Variants in KDM4C observed in about 807,000 individuals in gnomAD.
KDM4C encodes the protein lysine-specific demethylase 4C.
In KDM4C, 81 loss-of-function variants were observed where a neutral mutation model predicts 129.3. That is an observed-to-expected ratio of 0.63 (90% CI 0.52 to 0.75). The LOEUF (loss-of-function observed/expected upper bound fraction) is 0.75, where lower values mean the gene tolerates loss of function less well. KDM4C is among the 30% of genes least tolerant of loss of function. The probability of loss-of-function intolerance (pLI) is 0.00; values close to 1 mark genes in which losing one functional copy is unlikely to be tolerated. For synonymous variants in KDM4C, 573 were observed against 456.1 expected (o/e 1.26, Z -3.26); for missense variants, 1,457 against 1,304.0 (o/e 1.12, Z -1.81).
intron 17 of KDM4C, among the ~76,000 whole-genome samples, chr9:7,073,179 C>A (rs143169674): frequency 6.6e-6 from 1 of 152,278 alleles, no homozygotes; most frequent in Admixed American, 6.5e-5. Context: ...TGGCATAGAT[C>A]TACCTCCATT....
chr9:7,020,341 C>G (rs1043671566), intron 15 of KDM4C, among the ~76,000 whole-genome samples: 1 of 152,176 alleles, frequency 6.6e-6, no homozygotes, highest in Non-Finnish European at 1.5e-5. Flanking sequence ...TAGATATCAT[C>G]GCTTTGAGTC....
chr9:6,770,744 ATATGGTTTT>A lies in KDM4C; in HGVS notation c.-18+12543_-18+12551del, dbSNP rs779491148. Among the ~76,000 whole-genome samples, 162 of 90,534 alleles carry A rather than the reference ATATGGTTTT, an allele frequency of 1.8e-3. 1 individual carries two copies. The East Asian group carries it at 0.044, about 24-fold the overall frequency. 59.4% of individuals were successfully genotyped at this position (90,534 alleles called of 152,430 possible). On this transcript the variant is annotated intron_variant, in intron 1 of 21. Transcript: ENST00000381309. ...TTTTTTTCAATATAGCCGGTATCGT[ATATGGTTTT>A]TGCGATTTTGATCCTTTTTTTTTTT...
rs950939462 is a variant in KDM4C at position 7,039,446 on chromosome 9, T to C, written c.2260-7416T>C. On this transcript the variant is annotated intron_variant, in intron 15 of 21. Transcript: ENST00000381309. ...AATTTGTCATTTAGAGTCTCTTTTT[T>C]ATATTTTTAATATACTTATTTTTAA... Among the ~76,000 whole-genome samples, 5 of 151,974 alleles carry C rather than the reference T, an allele frequency of 3.3e-5. No individual in the cohort carries two copies. In the East Asian group the frequency reaches 9.6e-4, roughly 29 times the overall value.
At chr9:6,810,900 G>T (rs1395899110) in intron 3 of KDM4C, among the ~76,000 whole-genome samples, 1 of 151,984 alleles carries the variant, frequency 6.6e-6, no homozygotes, top group African/African-American at 2.4e-5. Context: ...AATAAATAAA[G>T]TTAATTGGTC....
intron 17 of KDM4C, among the ~76,000 whole-genome samples, chr9:7,060,669 A>T (rs1324270355): frequency 6.6e-6 from 1 of 151,848 alleles, no homozygotes; most frequent in East Asian, 1.9e-4. Flanking sequence ...TTTAGTAGAG[A>T]CAGGGTTTCA....
intron 17 of KDM4C, among the ~76,000 whole-genome samples, chr9:7,058,523 TACAAGCTTGC>T (rs1831188040): frequency 6.6e-6 from 1 of 152,198 alleles, no homozygotes. Context: ...CAGGAGCTTG[TACAAGCTTGC>T]TGCAGCTCAC....
intron 1 of KDM4C, among the ~76,000 whole-genome samples, chr9:6,781,697 G>C (rs1055833248): frequency 1.3e-5 from 2 of 152,082 alleles, no homozygotes; most frequent in Admixed American, 1.3e-4. Context: ...AAACAAGAAA[G>C]CCTTTGTTTG....
intron 18 of KDM4C, among the ~76,000 whole-genome samples, chr9:7,107,567 C>T (rs1417485997): frequency 6.6e-6 from 1 of 152,190 alleles, no homozygotes; most frequent in East Asian, 1.9e-4. Flanking sequence ...GAATCACTTG[C>T]ACTTTGTTAA....
intron 17 of KDM4C, among the ~76,000 whole-genome samples, chr9:7,077,568 A>G (rs1310411752): frequency 6.6e-6 from 1 of 152,214 alleles, no homozygotes; most frequent in African/African-American, 2.4e-5. Flanking sequence ...CAATAATTTG[A>G]GCTCATACAG....
chr9:6,841,021 CA>C (rs1836822756), intron 4 of KDM4C, among the ~76,000 whole-genome samples: 1 of 152,146 alleles, frequency 6.6e-6, no homozygotes, highest in South Asian at 2.1e-4. Flanking sequence ...TAGTCCTGCC[CA>C]TCTGTATATT....
chr9:6,819,292 G>A (rs933908221), intron 4 of KDM4C, among the ~76,000 whole-genome samples: 3 of 152,198 alleles, frequency 2.0e-5, no homozygotes, highest in African/African-American at 7.2e-5. Flanking sequence ...TCAATTTACT[G>A]CTTGTGTTTG....
At chr9:6,771,519 C>G (rs1272667788) in intron 1 of KDM4C, among the ~76,000 whole-genome samples, 1 of 151,740 alleles carries the variant, frequency 6.6e-6, no homozygotes, top group Non-Finnish European at 1.5e-5. Flanking sequence ...CCATGTTGGT[C>G]AGGCCGGTCT....
At chr9:7,091,603 C>G (rs1587585840) in intron 17 of KDM4C, among the ~76,000 whole-genome samples, 1 of 143,978 alleles carries the variant, frequency 6.9e-6, no homozygotes, top group South Asian at 2.1e-4. Flanking sequence ...CTAAACATGG[C>G]TACAAGAACA....
chr9:6,858,142 G>C lies in KDM4C; in HGVS notation c.629+8442G>C, dbSNP rs76674205. Among the ~76,000 whole-genome samples the C allele has an allele frequency of 3.3e-5, 5 of 152,112 alleles. No homozygotes were observed. In the East Asian group the frequency reaches 9.7e-4, roughly 29 times the overall value. Reference sequence around the variant, plus strand: ...GCAGTAACCTGCTATATTGATGGTAGATTTAAAGGAATGAATTGAAGAAAC... The same window carrying C: ...GCAGTAACCTGCTATATTGATGGTACATTTAAAGGAATGAATTGAAGAAAC... On this transcript the variant is annotated intron_variant, in intron 5 of 21. Coordinates refer to ENST00000381309, the MANE Select transcript of KDM4C (RefSeq NM_015061.6).
intron 1 of KDM4C, among the ~76,000 whole-genome samples, chr9:6,790,871 T>C (rs543027167): frequency 6.6e-6 from 1 of 152,154 alleles, no homozygotes; most frequent in South Asian, 2.1e-4. Context: ...GGAATCATCC[T>C]GTTTATTGAC....
rs546872005 is a variant in KDM4C at position 7,013,637 on chromosome 9, T to A, written c.1969-151T>A. ...GGGAGTCTGAGGTGGAATATTGATT[T>A]AAAAAAAACTAGTAGTTTGGTCAAG... is the stretch of plus-strand genomic sequence containing the variant. On this transcript the variant is annotated intron_variant, in intron 13 of 21. Transcript: ENST00000381309. The A allele has an allele frequency of 5.4e-5, 36 of 667,162 alleles. No homozygotes were observed. In the Admixed American group the frequency reaches 7.1e-4, roughly 13 times the overall value. The allele number at this position is 667,162 out of a possible 1,614,324, so 41.3% of individuals were successfully genotyped here.
intron 17 of KDM4C, among the ~76,000 whole-genome samples, chr9:7,090,642 A>C (rs1835684756): frequency 6.6e-6 from 1 of 152,186 alleles, no homozygotes; most frequent in Admixed American, 6.5e-5. Context: ...TGTGTTTATA[A>C]ATGACCTCCC....
intron 19 of KDM4C, among the ~76,000 whole-genome samples, chr9:7,135,540 C>T (rs10758836): frequency 0.47 from 71,990 of 151,922 alleles, 17,669 homozygotes; most frequent in East Asian, 0.64. Flanking sequence ...CCATGGGCAG[C>T]GGGCACCATG....
intron 17 of KDM4C, among the ~76,000 whole-genome samples, chr9:7,084,164 A>T (rs1441103734): frequency 6.6e-6 from 1 of 152,172 alleles, no homozygotes; most frequent in Non-Finnish European, 1.5e-5. Flanking sequence ...CTGGGCTTCT[A>T]ACTTAACACA....
Sources: allele counts gnomAD v4.1 joint callset (sites outside exome capture counted in the v4.1 genomes callset), GRCh38; gene constraint gnomAD v4.1.1; transcripts MANE v1.5; gene names NCBI Gene and HGNC (gene_info 2026-07-23, HGNC 2026-07-21).